DOCK4: variants seen among roughly 807,000 people sequenced by gnomAD.
DOCK4 encodes dedicator of cytokinesis protein 4.
In DOCK4, 97 loss-of-function variants were observed where a neutral mutation model predicts 268.1. That is an observed-to-expected ratio of 0.36 (90% CI 0.31 to 0.43). DOCK4 has a LOEUF of 0.43. Ranked by LOEUF, DOCK4 falls within the 20% of genes least tolerant of loss-of-function variation. The pLI is 1.00. For missense variants in DOCK4, 2,145 were observed against 2,455.7 expected, an observed-to-expected ratio of 0.87 and a Z score of 2.67; for synonymous variants, 954 against 887.2, an observed-to-expected ratio of 1.08 and a Z score of -1.34.
intron 23 of DOCK4, 150 bp downstream of exon 23, chr7:111,863,222 C>G: frequency 1.3e-6 from 1 of 740,746 alleles, no homozygotes. Flanking sequence ...TTGTATTTGA[C>G]TACTAAATAC....
intron 1 of DOCK4, among the ~76,000 whole-genome samples, chr7:112,078,024 G>C (rs1374652688): frequency 1.3e-5 from 2 of 152,022 alleles, no homozygotes; most frequent in Non-Finnish European, 2.9e-5. Flanking sequence ...TATTGGCATA[G>C]ATATTAATTA....
intron 32 of DOCK4, among the ~76,000 whole-genome samples, chr7:111,785,945 G>T (rs1181940781): frequency 6.6e-6 from 1 of 152,138 alleles, no homozygotes; most frequent in Non-Finnish European, 1.5e-5. Context: ...AAAGAAATCT[G>T]TGTGTGTGTC....
At chr7:111,848,502 T>C (rs1804288797) in intron 23 of DOCK4, among the ~76,000 whole-genome samples, 1 of 152,342 alleles carries the variant, frequency 6.6e-6, no homozygotes, top group South Asian at 2.1e-4. Flanking sequence ...CTTCCCACTC[T>C]TGTTTCACAG....
At chr7:112,136,217 T>C (rs1479606830) in intron 1 of DOCK4, among the ~76,000 whole-genome samples, 3 of 152,120 alleles carry the variant, frequency 2.0e-5, no homozygotes, top group African/African-American at 7.2e-5. Context: ...ATAGCTAATA[T>C]GTTTTAATAT....
intron 23 of DOCK4, among the ~76,000 whole-genome samples, chr7:111,862,681 G>A (rs1805650857): frequency 1.3e-5 from 2 of 151,546 alleles, no homozygotes; most frequent in African/African-American, 2.4e-5. Flanking sequence ...TGGTAGAGAT[G>A]GGGTTTCACC....
chr7:112,200,739 C>CAAA (rs71689051), intron 1 of DOCK4, among the ~76,000 whole-genome samples: 11 of 129,048 alleles, frequency 8.5e-5, no homozygotes, highest in Non-Finnish European at 1.4e-4. Flanking sequence ...AAAAAAAAAA[C>CAAA]AAAAAAAAAC....
Position 112,004,038 on chromosome 7 carries a change from G to C in DOCK4, c.121+10C>G, listed in dbSNP as rs140568469. On this transcript the variant is annotated intron_variant, in intron 2 of 52. Coordinates refer to ENST00000428084, the MANE Select transcript of DOCK4 (RefSeq NM_001363540.2). ...CGTATGTTGAGGAGGTTGTTCATAA[G>C]GCTACTCACCATCACACTTCTCCAG... 338 of 1,591,194 alleles carry C rather than the reference G, an allele frequency of 2.1e-4. 3 individuals carry two copies. The African/African-American group carries it at 4.2e-3, about 20-fold the overall frequency.
intron 24 of DOCK4, 71 bp from the exon 25 acceptor site, chr7:111,844,968 G>A (rs1178648467): frequency 6.5e-7 from 1 of 1,527,204 alleles, no homozygotes; most frequent in African/African-American, 1.4e-5. Flanking sequence ...CAGAAAAGGG[G>A]AAATCAAAGA....
chr7:112,012,856 T>A (rs1170891183), intron 1 of DOCK4, among the ~76,000 whole-genome samples: 4 of 152,130 alleles, frequency 2.6e-5, no homozygotes, highest in Non-Finnish European at 5.9e-5. Flanking sequence ...TTTCTCTCTT[T>A]GAATACTAAA....
At chr7:112,152,262 T>A (rs2116405480) in intron 1 of DOCK4, among the ~76,000 whole-genome samples, 1 of 152,338 alleles carries the variant, frequency 6.6e-6, no homozygotes, top group East Asian at 1.9e-4. Context: ...AACTCATCTA[T>A]AAATATAAGC....
chr7:111,942,798 C>T (rs1168826399), intron 10 of DOCK4, among the ~76,000 whole-genome samples: 2 of 152,204 alleles, frequency 1.3e-5, no homozygotes, highest in Non-Finnish European at 2.9e-5. Flanking sequence ...AGGGGAACAA[C>T]AGAGCAGTAG....
intron 1 of DOCK4, among the ~76,000 whole-genome samples, chr7:112,167,194 C>T (rs1385862235): frequency 6.6e-6 from 1 of 152,150 alleles, no homozygotes; most frequent in Non-Finnish European, 1.5e-5. Flanking sequence ...TAACACTGAT[C>T]AACTTCTTGC....
Position 111,834,615 on chromosome 7 carries a change from A to G in DOCK4, c.2808T>C (p.Asp936=), listed in dbSNP as rs1473522200. 2.6e-6 allele frequency: 4 copies of G among 1,555,890 alleles called. No individual in the cohort carries two copies. Among genetic ancestry groups the G allele is most frequent in the Non-Finnish European group, 3.5e-6 (4 of 1,149,168 alleles). The part of the protein sequence containing the change: ...MTDRHYQQLL[D]SFNTKEELRD... Reference sequence around the variant, plus strand: ...TTAGTTCTTCCTTTGTATTAAAACTATCAAGAAGCTGTTGATAATGTCTAT... The same window carrying G: ...TTAGTTCTTCCTTTGTATTAAAACTGTCAAGAAGCTGTTGATAATGTCTAT... Residue 936 remains aspartate (D), a synonymous_variant, in exon 26 of 53, where the codon GAT becomes GAC. Coordinates refer to ENST00000428084, the MANE Select transcript of DOCK4 (RefSeq NM_001363540.2).
chr7:111,911,600 C>T (rs758170299), intron 13 of DOCK4, among the ~76,000 whole-genome samples: 9 of 152,020 alleles, frequency 5.9e-5, no homozygotes, highest in East Asian at 3.9e-4. Flanking sequence ...AAGGTGGTAC[C>T]GGAAAGGGAC....
At chr7:111,746,259 C>T in intron 44 of DOCK4, 75 bp downstream of exon 44, 1 of 1,204,038 alleles carries the variant, frequency 8.3e-7, no homozygotes, top group Non-Finnish European at 1.2e-6. Context: ...TGCAGGAAAC[C>T]ATGCAGAGGG....
intron 37 of DOCK4, among the ~76,000 whole-genome samples, chr7:111,767,460 C>T (rs188199144): frequency 0.017 from 2,625 of 152,084 alleles, 84 homozygotes; most frequent in African/African-American, 0.059. Flanking sequence ...CTCCTGACCC[C>T]ATGATCCACC....
Position 111,872,288 on chromosome 7 carries a change from G to A in DOCK4, c.1907C>T (p.Ser636Phe). ...ACTTACCAAAGAATCAAACACTTTA[G>A]ACCCATATTTTTGGGAATTTTCATC... ...ILDENSQKYGSKVFDSLVHII... is the reference protein window; with the variant it reads ...ILDENSQKYGFKVFDSLVHII... Residue 636 changes from serine (S) to phenylalanine (F), a missense_variant, in exon 19 of 53, where the codon TCT (serine) becomes TTT (phenylalanine). Physicochemically the swap from Ser to Phe is radical, Grantham distance 155. This residue lies in a region of DOCK4 where 1,598 missense variants were observed against 1,986.7 expected (regional missense o/e 0.80). Transcript: ENST00000428084. 3 of 1,557,056 alleles carry A rather than the reference G, an allele frequency of 1.9e-6. No homozygotes were observed. Among genetic ancestry groups the A allele is most frequent in the East Asian group, 2.3e-5 (1 of 42,782 alleles).
At chr7:111,873,674 G>A (rs1354561480) in intron 17 of DOCK4, among the ~76,000 whole-genome samples, 3 of 152,126 alleles carry the variant, frequency 2.0e-5, no homozygotes, top group African/African-American at 4.8e-5. Flanking sequence ...AAGAAAAAGA[G>A]AATATAGAGA....
intron 17 of DOCK4, among the ~76,000 whole-genome samples, chr7:111,875,649 G>A (rs1489425385): frequency 2.0e-5 from 3 of 152,228 alleles, no homozygotes; most frequent in Non-Finnish European, 4.4e-5. Flanking sequence ...ATGTGAAGAT[G>A]CTATGCTTCT....
Sources: gnomAD v4.1 joint callset for allele counts (sites outside exome capture counted in the v4.1 genomes callset) on GRCh38, gnomAD v4.1.1 for gene constraint, gnomAD v4.1.1 regional missense constraint, MANE v1.5 for transcripts, NCBI Gene and HGNC (gene_info 2026-07-23, HGNC 2026-07-21) for gene names.